GNG2: variants seen among roughly 807,000 people sequenced by gnomAD.
The protein encoded by GNG2 is guanine nucleotide-binding protein G(I)/G(S)/G(O) subunit gamma-2.
In GNG2, 5 loss-of-function variants were observed where a neutral mutation model predicts 5.5. The observed-to-expected ratio is 0.91, with a 90% CI of 0.48 to 1.92. The LOEUF (loss-of-function observed/expected upper bound fraction) is 1.92, where lower values mean the gene tolerates loss of function less well. GNG2 is among the 30% of genes most tolerant of loss of function. The pLI is 0.01. For missense variants in GNG2, 55 were observed against 88.4 expected, an observed-to-expected ratio of 0.62 and a Z score of 1.52; for synonymous variants, 28 against 32.0, an observed-to-expected ratio of 0.88 and a Z score of 0.42.
intron 2 of GNG2, among the ~76,000 whole-genome samples, chr14:51,906,598 A>T (rs185277784): frequency 2.2e-4 from 34 of 152,290 alleles, no homozygotes; most frequent in Middle Eastern, 3.4e-3. Context: ...ATAGGATAAG[A>T]GATGTACTTT....
At chr14:51,869,964 G>T (rs12878420) in intron 1 of GNG2, among the ~76,000 whole-genome samples, 75,870 of 152,038 alleles carry the variant, frequency 0.5, 19,594 homozygotes, top group African/African-American at 0.63. Flanking sequence ...GCCCAGGCTC[G>T]CTGAAGAACA....
intron 3 of GNG2, among the ~76,000 whole-genome samples, chr14:51,954,086 A>T (rs140785442): frequency 2.6e-5 from 4 of 152,288 alleles, no homozygotes; most frequent in Admixed American, 6.5e-5. Context: ...TATGCTGCAT[A>T]GAGTAGCCCT....
Position 51,969,695 on chromosome 14 carries a change from A to T in GNG2, c.*3008A>T, listed in dbSNP as rs1303920920. ...TGTGGAGTGTGTGTTTCAAAGAGAG[A>T]ACTACAGAAATGTTAAAGCAGGAAA... On this transcript the variant is annotated 3_prime_UTR_variant, in exon 4 of 4. Coordinates refer to ENST00000556766, the MANE Select transcript of GNG2 (RefSeq NM_053064.5). 6.6e-6 allele frequency: 1 copy of T among 152,196 alleles called. No individual in the cohort carries two copies. Among genetic ancestry groups the T allele is most frequent in the East Asian group, 1.9e-4 (1 of 5,202 alleles). The allele number at this position is 152,196 out of a possible 1,614,324, so 9.4% of individuals were successfully genotyped here.
At chr14:51,850,331 G>A (rs574609643) in intron 2 of GNG2, among the ~76,000 whole-genome samples, 26 of 151,832 alleles carry the variant, frequency 1.7e-4, no homozygotes, top group African/African-American at 5.1e-4. Context: ...TTCTCTTTGC[G>A]GCAATCTTAT....
At chr14:51,896,569 T>C (rs895771338) in intron 2 of GNG2, among the ~76,000 whole-genome samples, 5 of 152,218 alleles carry the variant, frequency 3.3e-5, no homozygotes, top group Admixed American at 6.5e-5. Flanking sequence ...CTTTGGGTTT[T>C]ATTATTGCTG....
intron 3 of GNG2, among the ~76,000 whole-genome samples, chr14:51,966,146 G>A (rs1031127276): frequency 6.6e-5 from 9 of 137,244 alleles, no homozygotes; most frequent in African/African-American, 2.4e-4. Flanking sequence ...GGAGGCAGAG[G>A]TTGCAGTGAG....
intron 2 of GNG2, among the ~76,000 whole-genome samples, chr14:51,849,333 C>T (rs1881802006): frequency 6.6e-6 from 1 of 152,182 alleles, no homozygotes; most frequent in African/African-American, 2.4e-5. Context: ...CCTGTTATGA[C>T]CTAGCCTTGA....
At chr14:51,940,686 A>T (rs1272523520) in intron 2 of GNG2, among the ~76,000 whole-genome samples, 1 of 152,204 alleles carries the variant, frequency 6.6e-6, no homozygotes, top group Non-Finnish European at 1.5e-5. Flanking sequence ...AGAGAAAAGC[A>T]GTAAGTGTCC....
chr14:51,946,295 T>G (rs545092655), intron 2 of GNG2, among the ~76,000 whole-genome samples: 1 of 152,194 alleles, frequency 6.6e-6, no homozygotes, highest in Admixed American at 6.5e-5. Context: ...GATTGAAAAA[T>G]AGATGTGGGC....
intron 2 of GNG2, among the ~76,000 whole-genome samples, chr14:51,848,707 A>G (rs1881758315): frequency 6.6e-6 from 1 of 152,232 alleles, no homozygotes; most frequent in East Asian, 1.9e-4. Flanking sequence ...TGTGGGGATC[A>G]GGAAACCAAC....
chr14:51,885,949 C>T (rs914309056), intron 2 of GNG2, among the ~76,000 whole-genome samples: 143 of 152,278 alleles, frequency 9.4e-4, no homozygotes, highest in African/African-American at 3.2e-3. Flanking sequence ...AAAAGCATCA[C>T]TTCACTTTTA....
chr14:51,872,463 CAT>C (rs566869348), intron 1 of GNG2, among the ~76,000 whole-genome samples: 3 of 152,090 alleles, frequency 2.0e-5, no homozygotes, highest in African/African-American at 7.2e-5. Context: ...AAATTACTAG[CAT>C]ATATATGTTT....
At chr14:51,946,021 CTAGA>C (rs1178363291) in intron 2 of GNG2, among the ~76,000 whole-genome samples, 1 of 152,186 alleles carries the variant, frequency 6.6e-6, no homozygotes, top group East Asian at 1.9e-4. Context: ...CAGGAAACAG[CTAGA>C]AAGCATGGAT....
chr14:51,836,856 CTTTTTT>C (rs369095215), intron 2 of GNG2, among the ~76,000 whole-genome samples: 2 of 130,674 alleles, frequency 1.5e-5, no homozygotes, highest in Non-Finnish European at 1.6e-5. Flanking sequence ...GTGACTTCAT[CTTTTTT>C]TTTTTTTTTT....
chr14:51,945,262 G>A (rs1888577083), intron 2 of GNG2, among the ~76,000 whole-genome samples: 3 of 152,166 alleles, frequency 2.0e-5, no homozygotes, highest in African/African-American at 7.2e-5. Context: ...AGTCATAGTA[G>A]CTAAAACATG....
At chr14:51,831,913 T>C (rs900422334) in intron 2 of GNG2, among the ~76,000 whole-genome samples, 1 of 152,184 alleles carries the variant, frequency 6.6e-6, no homozygotes, top group African/African-American at 2.4e-5. Context: ...AAAGTATTAT[T>C]TTCAAAATTT....
At chr14:51,966,230 A>C (rs1280451348) in intron 3 of GNG2, among the ~76,000 whole-genome samples, 1 of 149,468 alleles carries the variant, frequency 6.7e-6, no homozygotes, top group African/African-American at 2.5e-5. Context: ...AAAAAAAAAA[A>C]AAAAAAACAA....
chr14:51,955,825 AGACT>A (rs1431878450), intron 3 of GNG2, among the ~76,000 whole-genome samples: 4 of 152,248 alleles, frequency 2.6e-5, no homozygotes, highest in African/African-American at 4.8e-5. Context: ...TAAAAAGAAC[AGACT>A]GACTTTCACA....
chr14:51,929,047 A>G (rs1435867070), intron 2 of GNG2, among the ~76,000 whole-genome samples: 2 of 152,252 alleles, frequency 1.3e-5, no homozygotes, highest in South Asian at 2.1e-4. Flanking sequence ...AAGCTCAGGA[A>G]TAAGAAGTAT....
Sources: gnomAD v4.1 joint callset for allele counts (sites outside exome capture counted in the v4.1 genomes callset) on GRCh38, gnomAD v4.1.1 for gene constraint, MANE v1.5 for transcripts, NCBI Gene and HGNC (gene_info 2026-07-23, HGNC 2026-07-21) for gene names.